Variants in WDR70 observed in about 807,000 individuals in gnomAD.
The protein encoded by WDR70 is WD repeat domain 70.
In WDR70, 53 loss-of-function variants were observed where a neutral mutation model predicts 88.6. That is an observed-to-expected ratio of 0.60 (90% CI 0.48 to 0.75). WDR70 has a LOEUF of 0.75. Ranked by LOEUF, WDR70 falls within the 30% of genes least tolerant of loss-of-function variation. The pLI is 0.00. For synonymous variants in WDR70, 280 were observed against 270.0 expected, an observed-to-expected ratio of 1.04 and a Z score of -0.36; for missense variants, 610 against 823.2, an observed-to-expected ratio of 0.74 and a Z score of 3.17.
intron 5 of WDR70, among the ~76,000 whole-genome samples, chr5:37,407,729 A>ATG (rs1749396439): frequency 6.7e-6 from 1 of 149,716 alleles, no homozygotes; most frequent in Non-Finnish European, 1.5e-5. Flanking sequence ...GGGTCTTGCC[A>ATG]TGTTGCCTAG....
At chr5:37,742,152 A>G (rs1748500209) in intron 17 of WDR70, among the ~76,000 whole-genome samples, 1 of 152,006 alleles carries the variant, frequency 6.6e-6, no homozygotes, top group Admixed American at 6.5e-5. Context: ...TAATTTTTTG[A>G]GGAACCACTA....
intron 17 of WDR70, among the ~76,000 whole-genome samples, chr5:37,746,350 C>T (rs1748636766): frequency 6.6e-6 from 1 of 152,148 alleles, no homozygotes; most frequent in Non-Finnish European, 1.5e-5. Context: ...GACACCCTAA[C>T]ATCACAATTA....
At chr5:37,403,890 A>C (rs745581042) in intron 5 of WDR70, among the ~76,000 whole-genome samples, 4 of 152,096 alleles carry the variant, frequency 2.6e-5, no homozygotes, top group Non-Finnish European at 5.9e-5. Context: ...CTACAGGTGC[A>C]TACAACCACA....
At chr5:37,716,137 A>G (rs1199945814) in intron 13 of WDR70, among the ~76,000 whole-genome samples, 1 of 152,208 alleles carries the variant, frequency 6.6e-6, no homozygotes, top group Non-Finnish European at 1.5e-5. Context: ...ACCAAACGTG[A>G]AAAAACCAGA....
intron 3 of WDR70, among the ~76,000 whole-genome samples, chr5:37,390,751 T>C (rs1748792826): frequency 6.6e-6 from 1 of 151,528 alleles, no homozygotes; most frequent in South Asian, 2.1e-4. Context: ...TGTTTTGCTT[T>C]TGCTGCCCAG....
chr5:37,674,420 C>T (rs950343456), intron 10 of WDR70, among the ~76,000 whole-genome samples: 13 of 151,932 alleles, frequency 8.6e-5, no homozygotes, highest in Admixed American at 6.6e-4. Flanking sequence ...GTGTGATGTT[C>T]CCCTTCCTGT....
chr5:37,505,715 T>C (rs1001169856), intron 8 of WDR70: 51 of 1,085,192 alleles, frequency 4.7e-5, no homozygotes, highest in South Asian at 1.2e-5. Context: ...ACATGTATAG[T>C]GGTGTCAGCA....
At chr5:37,675,168 T>G (rs893050736) in intron 10 of WDR70, among the ~76,000 whole-genome samples, 11 of 152,016 alleles carry the variant, frequency 7.2e-5, no homozygotes, top group African/African-American at 2.4e-4. Flanking sequence ...GAAAATTTTC[T>G]CCCATTTTGT....
chr5:37,657,093 G>A (rs1745575628), intron 10 of WDR70, among the ~76,000 whole-genome samples: 1 of 152,172 alleles, frequency 6.6e-6, no homozygotes, highest in Admixed American at 6.5e-5. Flanking sequence ...TGGCCGCCCA[G>A]TTTTGTGCTT....
rs528699405 is a variant in WDR70, at chr5:37,446,632, A to G, written c.686+3260A>G. 8.8e-3 allele frequency among the ~76,000 whole-genome samples: 1,333 copies of G among 152,234 alleles called. 23 individuals carry two copies. Among genetic ancestry groups the G allele is most frequent in the African/African-American group, 0.03 (1,259 of 41,532 alleles). On this transcript the variant is annotated intron_variant, in intron 7 of 17. Coordinates refer to ENST00000265107, the MANE Select transcript of WDR70 (RefSeq NM_018034.4). The stretch of plus-strand genomic sequence containing the variant: ...ACAGAACAGAGCCCTCAGAAATAAT[A>G]CCACACATCTACAACCATCTGATCT...
rs145719388 is a variant in WDR70, at chr5:37,657,681, A to T, written c.1093-39974A>T. ...GGCATCAGATGTATATTGGAGTTCA[A>T]ATCCCTTAGTCTTTGTCACTGAATC... On this transcript the variant is annotated intron_variant, in intron 10 of 17. Transcript: ENST00000265107. Among the ~76,000 whole-genome samples, 340 of 152,308 alleles carry T rather than the reference A, an allele frequency of 2.2e-3. 1 individual carries two copies. Among genetic ancestry groups the T allele is most frequent in the African/African-American group, 8.0e-3 (331 of 41,562 alleles).
At chr5:37,523,310 T>A (rs992899508) in intron 9 of WDR70, among the ~76,000 whole-genome samples, 2 of 152,204 alleles carry the variant, frequency 1.3e-5, no homozygotes, top group African/African-American at 4.8e-5. Flanking sequence ...GGCAGCAACA[T>A]TTGCTGTTCA....
chr5:37,742,567 G>T (rs1245341807), intron 17 of WDR70, among the ~76,000 whole-genome samples: 1 of 152,164 alleles, frequency 6.6e-6, no homozygotes, highest in Non-Finnish European at 1.5e-5. Context: ...TTGAAGCACA[G>T]AAGTTTTTAA....
At chr5:37,421,098 T>C (rs572793454) in intron 5 of WDR70, among the ~76,000 whole-genome samples, 8 of 152,138 alleles carry the variant, frequency 5.3e-5, no homozygotes, top group Non-Finnish European at 1.2e-4. Context: ...TTTCGACAGG[T>C]GAGGAAACTA....
intron 9 of WDR70, among the ~76,000 whole-genome samples, chr5:37,591,784 A>G (rs1357678651): frequency 6.6e-6 from 1 of 152,218 alleles, no homozygotes; most frequent in African/African-American, 2.4e-5. Flanking sequence ...CCTTAACGAA[A>G]CATCAGCAAG....
At chr5:37,449,103 G>A (rs1315233681) in intron 7 of WDR70, among the ~76,000 whole-genome samples, 1 of 152,156 alleles carries the variant, frequency 6.6e-6, no homozygotes, top group Non-Finnish European at 1.5e-5. Context: ...CAAACTAGAG[G>A]CAGTGGAAAA....
intron 7 of WDR70, among the ~76,000 whole-genome samples, chr5:37,445,303 A>AC (rs11373412): frequency 0.97 from 147,919 of 152,106 alleles, 72,070 homozygotes; most frequent in East Asian, 1. Flanking sequence ...ATAGTTTGGT[A>AC]TATGTAACTG....
chr5:37,685,286 T>C (rs980943202), intron 10 of WDR70, among the ~76,000 whole-genome samples: 9 of 151,856 alleles, frequency 5.9e-5, no homozygotes, highest in African/African-American at 1.7e-4. Flanking sequence ...AATCCACTCA[T>C]GTAGACACAC....
intron 13 of WDR70, among the ~76,000 whole-genome samples, chr5:37,707,948 A>AAAAAATATAT (rs1561083728): frequency 3.0e-5 from 1 of 33,770 alleles, no homozygotes; most frequent in Non-Finnish European, 5.2e-5. Flanking sequence ...AAAAAAAAAA[A>AAAAAATATAT]ATATATATAT....
Sources: allele counts gnomAD v4.1 joint callset (sites outside exome capture counted in the v4.1 genomes callset), GRCh38; gene constraint gnomAD v4.1.1; transcripts MANE v1.5; gene names NCBI Gene and HGNC (gene_info 2026-07-23, HGNC 2026-07-21).